ADGRL3: variants seen among roughly 807,000 people sequenced by gnomAD.
ADGRL3 encodes calcium-independent alpha-latrotoxin receptor 3.
In ADGRL3, 62 loss-of-function variants were observed where a neutral mutation model predicts 153.5. The observed-to-expected ratio is 0.40, with a 90% confidence interval of 0.33 to 0.50. ADGRL3 has a LOEUF of 0.50. Among genes scored for constraint, ADGRL3 ranks in the 20% least tolerant of loss-of-function variants. ADGRL3 has a pLI of 0.47. For synonymous variants in ADGRL3, 710 were observed against 672.5 expected, an observed-to-expected ratio of 1.06 and a Z score of -0.86; for missense variants, 1,641 against 1,859.4, an observed-to-expected ratio of 0.88 and a Z score of 2.16.
At chr4:61,470,572 G>A (rs980057136) in intron 2 of ADGRL3, among the ~76,000 whole-genome samples, 6 of 151,764 alleles carry the variant, frequency 4.0e-5, no homozygotes, top group Admixed American at 6.6e-5. Flanking sequence ...TTTGAATTAT[G>A]ACTTCGAATA....
At chr4:61,691,765 T>G (rs1247352919) in intron 6 of ADGRL3, among the ~76,000 whole-genome samples, 1 of 152,200 alleles carries the variant, frequency 6.6e-6, no homozygotes, top group Non-Finnish European at 1.5e-5. Flanking sequence ...TCTTGAGATA[T>G]TCTACCTGGA....
intron 1 of ADGRL3, among the ~76,000 whole-genome samples, chr4:61,342,240 T>C (rs1313028266): frequency 6.6e-6 from 1 of 152,164 alleles, no homozygotes; most frequent in African/African-American, 2.4e-5. Context: ...TCTCTAGTTT[T>C]GGCTTAAAGT....
In ADGRL3 at chr4:61,813,254, C is replaced by T. The variant is rs141866338; in HGVS notation, c.1400-555C>T. Among the ~76,000 whole-genome samples, 435 of 152,110 alleles carry T rather than the reference C, an allele frequency of 2.9e-3. 4 individuals are homozygous for T. The highest frequency in any genetic ancestry group is 3.7e-3 in the Admixed American group (57 of 15,280). On this transcript the variant is annotated intron_variant, in intron 8 of 26. Coordinates refer to ENST00000683033, the MANE Select transcript of ADGRL3 (RefSeq NM_001387552.1). ...CTACAAATATAAAATATTAGATGGG[C>T]GTGGTGGCACACATCTGTAATCCCA...
At chr4:61,909,851 C>T in intron 12 of ADGRL3, 106 bp downstream of exon 12, 1 of 777,284 alleles carries the variant, frequency 1.3e-6, no homozygotes, top group Non-Finnish European at 2.0e-6. Flanking sequence ...TAATTTTCCT[C>T]CTTCTACAGA....
At chr4:61,415,700 C>G (rs1016765645) in intron 2 of ADGRL3, among the ~76,000 whole-genome samples, 1 of 151,298 alleles carries the variant, frequency 6.6e-6, no homozygotes, top group African/African-American at 2.4e-5. Context: ...TCTCTTCTTC[C>G]TTTTTTGTTT....
intron 9 of ADGRL3, among the ~76,000 whole-genome samples, chr4:61,842,919 G>A (rs1322200716): frequency 1.3e-5 from 2 of 152,118 alleles, no homozygotes; most frequent in East Asian, 3.9e-4. Flanking sequence ...TTTCAGCACT[G>A]GTTCTTTAAG....
At chr4:61,440,709 T>C (rs1211183836) in intron 2 of ADGRL3, among the ~76,000 whole-genome samples, 1 of 152,164 alleles carries the variant, frequency 6.6e-6, no homozygotes, top group East Asian at 1.9e-4. Flanking sequence ...TCCATGATGT[T>C]CTATTCATTT....
chr4:61,573,852 G>A (rs984595630), intron 4 of ADGRL3, among the ~76,000 whole-genome samples: 1 of 151,888 alleles, frequency 6.6e-6, no homozygotes, highest in African/African-American at 2.4e-5. Context: ...TGAAATACTG[G>A]ATATTATTCA....
intron 2 of ADGRL3, among the ~76,000 whole-genome samples, chr4:61,412,399 T>C (rs2097098551): frequency 6.6e-6 from 1 of 152,168 alleles, no homozygotes; most frequent in Admixed American, 6.5e-5. Flanking sequence ...GTACACTCAA[T>C]TCTTGGCCAC....
chr4:61,514,117 G>T (rs2098478543), intron 3 of ADGRL3, among the ~76,000 whole-genome samples: 1 of 152,206 alleles, frequency 6.6e-6, no homozygotes, highest in African/African-American at 2.4e-5. Context: ...GGAGTAATTT[G>T]AGTTGGTTTT....
chr4:61,538,573 G>T (rs56197239), intron 4 of ADGRL3, among the ~76,000 whole-genome samples: 52,720 of 151,928 alleles, frequency 0.35, 9,675 homozygotes, highest in East Asian at 0.47. Context: ...ATGAGTAGCT[G>T]GGATTACAGG....
rs1467377818 is a variant in ADGRL3, at chr4:61,202,653, T to G, written c.-240+888T>G. On this transcript the variant is annotated intron_variant, in intron 1 of 26. Coordinates refer to ENST00000683033, the MANE Select transcript of ADGRL3 (RefSeq NM_001387552.1). The surrounding 1 kb of genome is among the most constrained non-coding windows in gnomAD (Gnocchi z 5.0). ...CTGAGGAGAAGGGAAGGCTCCAGGC[T>G]GCAGCGCAGCGTCTGAGCTGCCGCG... Among the ~76,000 whole-genome samples the G allele has an allele frequency of 6.6e-6, 1 of 152,140 alleles. No homozygotes were observed. The highest frequency in any genetic ancestry group is 1.5e-5 in the Non-Finnish European group (1 of 68,014).
rs189230426 is a variant in ADGRL3 at position 61,473,906 on chromosome 4, G to T, written c.-173-23215G>T. On this transcript the variant is annotated intron_variant, in intron 2 of 26. Coordinates refer to ENST00000683033, the MANE Select transcript of ADGRL3 (RefSeq NM_001387552.1). ...GAATAAAACATGAACTTGTATATTG[G>T]GCATTATTGTCTAGGAGTGGATATA... Among the ~76,000 whole-genome samples the T allele has an allele frequency of 2.0e-3, 301 of 152,022 alleles. 2 individuals are homozygous for T. The Middle Eastern group carries it at 0.038, about 19-fold the overall frequency.
chr4:61,750,823 A>T lies in ADGRL3; in HGVS notation c.1399+17269A>T, dbSNP rs6842427. Reference sequence around the variant, plus strand: ...AAAAAAAAAAAAAAAGTCAAAGCAGATAAGCTAAAGGAGCAAATAAATGCA... The same window carrying T: ...AAAAAAAAAAAAAAAGTCAAAGCAGTTAAGCTAAAGGAGCAAATAAATGCA... On this transcript the variant is annotated intron_variant, in intron 8 of 26. Coordinates refer to ENST00000683033, the MANE Select transcript of ADGRL3 (RefSeq NM_001387552.1). 3.1e-3 allele frequency among the ~76,000 whole-genome samples: 476 copies of T among 151,948 alleles called. 4 individuals are homozygous for T. Among genetic ancestry groups the T allele is most frequent in the African/African-American group, 0.01 (427 of 41,332 alleles).
intron 25 of ADGRL3, among the ~76,000 whole-genome samples, chr4:62,050,634 C>G (rs1733594957): frequency 6.6e-6 from 1 of 151,962 alleles, no homozygotes; most frequent in African/African-American, 2.4e-5. Context: ...TGATGTTTCA[C>G]TGCAATTAAT....
intron 6 of ADGRL3, among the ~76,000 whole-genome samples, chr4:61,691,575 G>A (rs2095540326): frequency 6.6e-6 from 1 of 152,122 alleles, no homozygotes; most frequent in African/African-American, 2.4e-5. Context: ...ATTTGAATAA[G>A]TAATGCATAT....
At chr4:61,912,899 A>G in intron 13 of ADGRL3, 142 bp downstream of exon 13, 1 of 723,690 alleles carries the variant, frequency 1.4e-6, no homozygotes, top group Non-Finnish European at 2.3e-6. Flanking sequence ...TGGGAACAGA[A>G]AGCATGAAAG....
intron 11 of ADGRL3, among the ~76,000 whole-genome samples, chr4:61,907,083 A>G (rs893891236): frequency 1.3e-5 from 2 of 152,146 alleles, no homozygotes; most frequent in African/African-American, 4.8e-5. Flanking sequence ...AAAGGGGTTC[A>G]GATCCAGACC....
At chr4:61,695,937 A>G (rs1475174252) in intron 6 of ADGRL3, among the ~76,000 whole-genome samples, 2 of 152,052 alleles carry the variant, frequency 1.3e-5, no homozygotes, top group Non-Finnish European at 2.9e-5. Context: ...CTAGCTTCCA[A>G]CCTTTCCTCT....
Sources: allele counts gnomAD v4.1 joint callset (sites outside exome capture counted in the v4.1 genomes callset), GRCh38; gene constraint gnomAD v4.1.1; non-coding constraint Gnocchi (gnomAD v3.1); transcripts MANE v1.5; gene names NCBI Gene and HGNC (gene_info 2026-07-23, HGNC 2026-07-21).